Variants in DIP2B observed in about 807,000 individuals in gnomAD.
The protein encoded by DIP2B is disco-interacting protein 2 homolog B.
Under a neutral mutation model 198.0 loss-of-function variants are expected in DIP2B, and 76 were observed. The observed-to-expected ratio is 0.38, with a 90% CI of 0.32 to 0.46. The LOEUF is 0.46. Among genes scored for constraint, DIP2B ranks in the 20% least tolerant of loss-of-function variants. DIP2B has a pLI of 0.99. For missense variants in DIP2B, 1,559 were observed against 1,978.4 expected, an observed-to-expected ratio of 0.79 and a Z score of 4.02; for synonymous variants, 701 against 739.1, an observed-to-expected ratio of 0.95 and a Z score of 0.84.
chr12:50,719,789 C>T (rs1001089464), intron 25 of DIP2B, among the ~76,000 whole-genome samples: 4 of 149,666 alleles, frequency 2.7e-5, no homozygotes, highest in African/African-American at 4.9e-5. Context: ...TGCAGTGAGC[C>T]GAAAATGCGC....
Position 50,671,216 on chromosome 12 carries a change from C to G in DIP2B, c.458C>G (p.Ser153Cys). Residue 153 changes from serine (S) to cysteine (C), a missense_variant, in exon 5 of 38, where the codon TCT becomes TGT. By Grantham distance (112) the Ser-to-Cys change is moderately radical. Coordinates refer to ENST00000301180, the MANE Select transcript of DIP2B (RefSeq NM_173602.3). ...TCTTCGGCCTCTGAGGATGAGGGCT[C>G]TCTGAGACGCCAAGCTGCGCTCTCT... ...DTSSASEDEGSLRRQAALSAA... is the reference protein window; with the variant it reads ...DTSSASEDEGCLRRQAALSAA... The G allele has an allele frequency of 6.2e-7, 1 of 1,614,160 alleles. No homozygotes were observed. The highest frequency in any genetic ancestry group is 8.5e-7 in the Non-Finnish European group (1 of 1,180,024).
In DIP2B at chr12:50,699,221, T is replaced by C. The variant is rs1939372979; in HGVS notation, c.2325+19T>C. ...ATTTGAGGTACATGATATTAACATTTCACAGGGAAAATGTTTGGGGATTTC... is the reference window on the plus strand; with the variant it reads ...ATTTGAGGTACATGATATTAACATTCCACAGGGAAAATGTTTGGGGATTTC... On this transcript the variant is annotated intron_variant, in intron 19 of 37. Transcript: ENST00000301180. The C allele has an allele frequency of 6.2e-7, 1 of 1,613,780 alleles. No homozygotes were observed. The highest frequency in any genetic ancestry group is 8.5e-7 in the Non-Finnish European group (1 of 1,179,888).
chr12:50,723,037 C>T (rs1186540355), intron 26 of DIP2B, among the ~76,000 whole-genome samples, 165 bp from the exon 27 acceptor site: 2 of 151,720 alleles, frequency 1.3e-5, no homozygotes, highest in Admixed American at 1.3e-4. Flanking sequence ...GTTTTATATG[C>T]TTCCTTCTTT....
intron 1 of DIP2B, among the ~76,000 whole-genome samples, chr12:50,589,582 C>T (rs557877402): frequency 2.6e-5 from 4 of 152,170 alleles, no homozygotes; most frequent in African/African-American, 9.6e-5. Flanking sequence ...ATAAGAAAAT[C>T]TAGGGAAAGT....
intron 33 of DIP2B, 33 bp from the exon 34 acceptor site, chr12:50,735,040 G>A: frequency 6.2e-7 from 1 of 1,613,708 alleles, no homozygotes; most frequent in South Asian, 1.1e-5. Flanking sequence ...CCTCTTAAAA[G>A]CCCTATATAT....
At chr12:50,541,012 A>G (rs1456427887) in intron 1 of DIP2B, among the ~76,000 whole-genome samples, 3 of 152,140 alleles carry the variant, frequency 2.0e-5, no homozygotes, top group East Asian at 1.9e-4. Flanking sequence ...AGTTTCTTCA[A>G]TGCACTTAGT....
intron 1 of DIP2B, among the ~76,000 whole-genome samples, chr12:50,607,108 CTT>C (rs35474259): frequency 2.1e-5 from 3 of 144,094 alleles, no homozygotes; most frequent in Non-Finnish European, 1.5e-5. Context: ...TGCTTGGCTT[CTT>C]TTTTTTTTTT....
At chr12:50,664,836 G>GTTTT (rs1159665939) in intron 4 of DIP2B, among the ~76,000 whole-genome samples, 1 of 15,926 alleles carries the variant, frequency 6.3e-5, no homozygotes, top group African/African-American at 1.4e-4. Context: ...TTTGGTTTTT[G>GTTTT]TTTTTTTTTT....
intron 1 of DIP2B, among the ~76,000 whole-genome samples, chr12:50,540,632 T>G (rs1421255521): frequency 1.3e-5 from 2 of 149,416 alleles, no homozygotes; most frequent in African/African-American, 4.9e-5. Flanking sequence ...CACTGCAAGC[T>G]CCGCCTCCCG....
intron 1 of DIP2B, among the ~76,000 whole-genome samples, chr12:50,525,351 C>A (rs1322875076): frequency 4.1e-5 from 2 of 48,334 alleles, no homozygotes; most frequent in Non-Finnish European, 8.4e-5. Context: ...GAGCGAGACT[C>A]CATCTCAAAA....
In DIP2B at chr12:50,642,411, A is replaced by G. The variant is rs191084030; in HGVS notation, c.301+1559A>G. Among the ~76,000 whole-genome samples the G allele has an allele frequency of 9.4e-4, 143 of 152,356 alleles. 1 individual carries two copies. Among genetic ancestry groups the G allele is most frequent in the Non-Finnish European group, 1.8e-3 (121 of 68,034 alleles). On this transcript the variant is annotated intron_variant, in intron 3 of 37. Coordinates refer to ENST00000301180, the MANE Select transcript of DIP2B (RefSeq NM_173602.3). ...TGTATTTGTTCCAGTAGCTCACTCCAGCTGTAGACTGCAGTGCCTGGCACA... is the reference window on the plus strand; with the variant it reads ...TGTATTTGTTCCAGTAGCTCACTCCGGCTGTAGACTGCAGTGCCTGGCACA...
intron 1 of DIP2B, among the ~76,000 whole-genome samples, chr12:50,557,473 A>G (rs991745284): frequency 2.0e-4 from 30 of 152,298 alleles, no homozygotes; most frequent in African/African-American, 7.0e-4. Context: ...TGTTAGATAT[A>G]AAGCATCGGC....
At chr12:50,709,867 A>C (rs1939583003) in intron 22 of DIP2B, among the ~76,000 whole-genome samples, 1 of 152,080 alleles carries the variant, frequency 6.6e-6, no homozygotes, top group African/African-American at 2.4e-5. Flanking sequence ...AGCCCCAGCT[A>C]CTCAGAAAGC....
rs552635171 is a variant in DIP2B at position 50,625,858 on chromosome 12, C to A, written c.101-118C>A. 1.1e-4 allele frequency: 122 copies of A among 1,072,654 alleles called. 3 individuals are homozygous for A. The highest frequency in any genetic ancestry group is 1.1e-3 in the Middle Eastern group (5 of 4,422). 66.4% of individuals were successfully genotyped at this position (1,072,654 alleles called of 1,614,324 possible). ...GGCAAAGAACCATACATTCCCCCCC[C>A]CAACCCCCTGCCTCTATATGGGGTA... On this transcript the variant is annotated intron_variant, in intron 1 of 37. Transcript: ENST00000301180.
intron 1 of DIP2B, among the ~76,000 whole-genome samples, chr12:50,547,992 C>T (rs896720559): frequency 6.6e-6 from 1 of 152,116 alleles, no homozygotes; most frequent in African/African-American, 2.4e-5. Context: ...TTGTTTGAGC[C>T]TAGTAGTCCA....
Position 50,584,885 on chromosome 12 carries a change from C to G in DIP2B, c.101-41091C>G, listed in dbSNP as rs146053607. On this transcript the variant is annotated intron_variant, in intron 1 of 37. Transcript: ENST00000301180. ...GGCCAAAAATGTTTAACCATATCAT[C>G]TAACGCTTTGCTTAGTCCTTAATGG... Among the ~76,000 whole-genome samples, 8 of 152,300 alleles carry G rather than the reference C, an allele frequency of 5.3e-5. No individual in the cohort carries two copies. The East Asian group carries it at 1.5e-3, about 29-fold the overall frequency.
Position 50,723,182 on chromosome 12 carries a change from C to T in DIP2B, c.3167-20C>T. 6.2e-7 allele frequency: 1 copy of T among 1,613,750 alleles called. No homozygotes were observed. The highest frequency in any genetic ancestry group is 8.5e-7 in the Non-Finnish European group (1 of 1,179,930). On this transcript the variant is annotated intron_variant, in intron 26 of 37. Transcript: ENST00000301180. Reference sequence around the variant, plus strand: ...TTAGGCAGTTCAGTGACTCTCCTGACAGGGTCCTTTGTCTTGCAGGCATTG... The same window carrying T: ...TTAGGCAGTTCAGTGACTCTCCTGATAGGGTCCTTTGTCTTGCAGGCATTG...
At chr12:50,695,052 A>G (rs575417314) in intron 14 of DIP2B, among the ~76,000 whole-genome samples, 1 of 152,188 alleles carries the variant, frequency 6.6e-6, no homozygotes, top group Non-Finnish European at 1.5e-5. Context: ...CAAATTTGTA[A>G]CTGATTATCT....
chr12:50,555,629 CTATT>C (rs1420928532), intron 1 of DIP2B, among the ~76,000 whole-genome samples: 1 of 152,078 alleles, frequency 6.6e-6, no homozygotes, highest in Non-Finnish European at 1.5e-5. Context: ...TGCCTTTTAT[CTATT>C]TGTCGCCTCT....
Sources: gnomAD v4.1 joint callset for allele counts (sites outside exome capture counted in the v4.1 genomes callset) on GRCh38, gnomAD v4.1.1 for gene constraint, MANE v1.5 for transcripts, NCBI Gene and HGNC (gene_info 2026-07-23, HGNC 2026-07-21) for gene names.